The following ATXN7L3 variants were observed in gnomAD, a reference collection of about 807,000 sequenced individuals.
ATXN7L3 encodes the protein ataxin-7-like protein 3.
ATXN7L3 carries 6 observed loss-of-function variants against 50.0 expected under a neutral mutation model. That is an observed-to-expected ratio of 0.12 (90% CI 0.07 to 0.24). The LOEUF is 0.24. ATXN7L3 is among the 10% of genes least tolerant of loss of function. The pLI, the probability that ATXN7L3 is intolerant of heterozygous loss-of-function variation, is 1.00. For synonymous variants in ATXN7L3, 198 were observed against 165.8 expected, an observed-to-expected ratio of 1.19 and a Z score of -1.49; for missense variants, 322 against 451.3, an observed-to-expected ratio of 0.71 and a Z score of 2.60.
Position 44,191,905 on chromosome 17 carries a change from T to C in ATXN7L3, c.*2358A>G, listed in dbSNP as rs1021559573. On this transcript the variant is annotated 3_prime_UTR_variant, in exon 13 of 13. Transcript: ENST00000587097. ...CTACCTGTACAGAATGGATTACATA[T>C]GCAAAAATAAAAATCTCAAGACCAC... 2 of 216,566 alleles carry C rather than the reference T, an allele frequency of 9.2e-6. No individual in the cohort carries two copies. Among genetic ancestry groups the C allele is most frequent in the Non-Finnish European group, 1.6e-5 (2 of 127,078 alleles). The allele number at this position is 216,566 out of a possible 1,614,324, so 13.4% of individuals were successfully genotyped here.
chr17:44,194,741 C>CCCCA (rs1163334170), intron 11 of ATXN7L3, 27 bp downstream of exon 11: 4 of 1,613,940 alleles, frequency 2.5e-6, no homozygotes, highest in Non-Finnish European at 3.4e-6. Context: ...GGTCACAACC[C>CCCCA]CCCACCCTTC....
intron 2 of ATXN7L3, 102 bp downstream of exon 2, chr17:44,197,918 A>G: frequency 3.9e-6 from 6 of 1,528,080 alleles, no homozygotes; most frequent in Non-Finnish European, 5.4e-6. Flanking sequence ...CCTTTAAGGA[A>G]CAAGGCTGAC....
At chr17:44,195,656 G>C (rs2055859335) in intron 8 of ATXN7L3, 144 bp downstream of exon 8, 1 of 1,174,568 alleles carries the variant, frequency 8.5e-7, no homozygotes, top group Non-Finnish European at 1.2e-6. Flanking sequence ...TAAGGGGTGG[G>C]ACTCAGAAAG....
intron 2 of ATXN7L3, 97 bp downstream of exon 2, chr17:44,197,923 G>T: frequency 6.5e-7 from 1 of 1,533,586 alleles, no homozygotes; most frequent in Non-Finnish European, 9.0e-7. Context: ...AAGGAACAAG[G>T]CTGACTACCC....
Position 44,199,872 on chromosome 17 carries a change from AGCGAGCGTGAAC to A in ATXN7L3, c.-449_-438del, listed in dbSNP as rs902647139. 11 of 146,870 alleles carry A rather than the reference AGCGAGCGTGAAC, an allele frequency of 7.5e-5. 1 individual carries two copies. The highest frequency in any genetic ancestry group is 4.3e-4 in the South Asian group (2 of 4,702). 9.1% of individuals were successfully genotyped at this position (146,870 alleles called of 1,614,324 possible). The stretch of plus-strand genomic sequence containing the variant: ...CCGCGACCGGAGGATGGATGGATGG[AGCGAGCGTGAAC>A]GCGAGCGTGCGCGCGCGCGCCCCTC... On this transcript the variant is annotated 5_prime_UTR_variant, in exon 1 of 13. Coordinates refer to ENST00000587097, the MANE Select transcript of ATXN7L3 (RefSeq NM_001382309.1).
intron 2 of ATXN7L3, 124 bp downstream of exon 2, chr17:44,197,896 A>T (rs555773908): frequency 1.3e-6 from 2 of 1,505,966 alleles, no homozygotes; most frequent in Non-Finnish European, 1.8e-6. Flanking sequence ...TGGCTTTTTC[A>T]GCTGGCTATT....
chr17:44,197,904 ATTCCC>A (rs1368615260), intron 2 of ATXN7L3, 111 bp downstream of exon 2: 14 of 1,512,418 alleles, frequency 9.3e-6, no homozygotes, highest in Non-Finnish European at 1.3e-5. Flanking sequence ...TCAGCTGGCT[ATTCCC>A]TTTAAGGAAC....
At position 44,197,668 on chromosome 17, in the gene ATXN7L3, C is replaced by T. The variant is rs1360047952; in HGVS notation, c.114G>A (p.Glu38=). ...AGCCACACTTGACAGCCCGGTGTAC[C>T]TCAAAGCAGAATCCCAAACAAGAAT... is the stretch of plus-strand genomic sequence containing the variant. The part of the protein sequence containing the change: ...VEDSCLGFCF[E]VHRAVKCGYF... Residue 38 remains glutamate (E), a synonymous_variant, in exon 3 of 13, where the codon GAG becomes GAA. Coordinates refer to ENST00000587097, the MANE Select transcript of ATXN7L3 (RefSeq NM_001382309.1). 6.2e-7 allele frequency: 1 copy of T among 1,614,136 alleles called. No homozygotes were observed. The highest frequency in any genetic ancestry group is 2.2e-5 in the East Asian group (1 of 44,906).
rs1325988382 is a variant in ATXN7L3 at position 44,196,054 on chromosome 17, T to C, written c.503A>G (p.Lys168Arg). The change falls in exon 7 of 13, where the codon AAG becomes AGG. Residue 168 changes from lysine (K) to arginine (R), a missense_variant. Transcript: ENST00000587097. ...CTTACCATTTTTGTGTTTTAATGAC[T>C]TGGATCTTCGAGGGGAATTGGGGTT... ...DKNPNSPRRS[K>R]SLKHKNGELS... The C allele has an allele frequency of 6.2e-7, 1 of 1,612,942 alleles. No individual in the cohort carries two copies. The highest frequency in any genetic ancestry group is 2.2e-5 in the East Asian group (1 of 44,870).
intron 5 of ATXN7L3, 109 bp downstream of exon 5, chr17:44,196,820 T>C (rs540337548): frequency 5.6e-6 from 3 of 538,252 alleles, no homozygotes; most frequent in Admixed American, 5.8e-5. Flanking sequence ...ATCGCGTAAC[T>C]ACACTCTCTC....
rs767589384 is a variant in ATXN7L3, at chr17:44,194,287, G to A, written c.1020C>T (p.Pro340=). ...GTCAGTTGATGTCATCATAGATGCT[G>A]GGCGTCGGGGGTGCCGGTGGCTTTG... The part of the protein sequence containing the change: ...KKPKPPAPPT[P]SIYDDIN Residue 340 remains proline, a synonymous_variant, in exon 13 of 13, where the codon CCC becomes CCT. Transcript: ENST00000587097. The A allele has an allele frequency of 2.5e-6, 4 of 1,614,084 alleles. No individual in the cohort carries two copies. The East Asian group carries it at 8.9e-5, about 36-fold the overall frequency.
At chr17:44,195,922 G>A in intron 7 of ATXN7L3, 94 bp from the exon 8 acceptor site, 2 of 1,563,092 alleles carry the variant, frequency 1.3e-6, no homozygotes, top group Non-Finnish European at 1.7e-6. Context: ...GGTGACAGAA[G>A]GATCACAGGC....
intron 6 of ATXN7L3, 33 bp from the exon 7 acceptor site, chr17:44,196,112 G>C (rs753049477): frequency 2.5e-6 from 4 of 1,607,158 alleles, no homozygotes; most frequent in South Asian, 1.1e-5. Flanking sequence ...TTTGGGGAAA[G>C]GGTAACGAAA....
intron 1 of ATXN7L3, chr17:44,199,292 G>A (rs540698892): frequency 5.3e-5 from 8 of 151,146 alleles, no homozygotes; most frequent in East Asian, 2.0e-4. Flanking sequence ...CCGCCCAAGG[G>A]GGACCCAGAC....
chr17:44,197,879 G>A, intron 2 of ATXN7L3, 141 bp downstream of exon 2: 5 of 1,517,842 alleles, frequency 3.3e-6, no homozygotes, highest in Non-Finnish European at 4.5e-6. Context: ...TCTTCTTCCT[G>A]GATCCTTGGC....
At position 44,192,351 on chromosome 17, in the gene ATXN7L3, G is replaced by C. The variant is rs1001481539; in HGVS notation, c.*1912C>G. Reference sequence around the variant, plus strand: ...TGGGGAAGTTTATGTGGACAAACCAGTTCCCAAGCTACTTCCCACTTCTCC... The same window carrying C: ...TGGGGAAGTTTATGTGGACAAACCACTTCCCAAGCTACTTCCCACTTCTCC... On this transcript the variant is annotated 3_prime_UTR_variant, in exon 13 of 13. Coordinates refer to ENST00000587097, the MANE Select transcript of ATXN7L3 (RefSeq NM_001382309.1). The C allele has an allele frequency of 2.0e-5, 3 of 152,346 alleles. No homozygotes were observed. Among genetic ancestry groups the C allele is most frequent in the African/African-American group, 7.2e-5 (3 of 41,462 alleles). The allele number at this position is 152,346 out of a possible 1,614,324, so 9.4% of individuals were successfully genotyped here. A position where few individuals can be genotyped will look rare whatever the true frequency, so the allele number is the denominator to read the frequency against.
At chr17:44,197,519 T>C (rs1423988048) in intron 3 of ATXN7L3, 79 bp downstream of exon 3, 1 of 1,605,764 alleles carries the variant, frequency 6.2e-7, no homozygotes, top group Non-Finnish European at 8.5e-7. Context: ...GTGCTACATC[T>C]AGCACAGTTT....
At position 44,193,565 on chromosome 17, in the gene ATXN7L3, T is replaced by C. The variant is rs2055774169; in HGVS notation, c.*698A>G. The C allele has an allele frequency of 5.9e-5, 9 of 152,396 alleles. No homozygotes were observed. Among genetic ancestry groups the C allele is most frequent in the Admixed American group, 5.9e-4 (9 of 15,284 alleles). The allele number at this position is 152,396 out of a possible 1,614,324, so 9.4% of individuals were successfully genotyped here. A position where few individuals can be genotyped will look rare whatever the true frequency, so the allele number is the denominator to read the frequency against. On this transcript the variant is annotated 3_prime_UTR_variant, in exon 13 of 13. Coordinates refer to ENST00000587097, the MANE Select transcript of ATXN7L3 (RefSeq NM_001382309.1). Reference sequence around the variant, plus strand: ...CTCCCTTTCCCATTCCTTGAAGCTGTAGAGGCTGGAGGCCCTTTCCTGGCA... The same window carrying C: ...CTCCCTTTCCCATTCCTTGAAGCTGCAGAGGCTGGAGGCCCTTTCCTGGCA...
chr17:44,197,146 C>A (rs2055937327), intron 4 of ATXN7L3, 82 bp downstream of exon 4: 4 of 1,566,842 alleles, frequency 2.6e-6, no homozygotes, highest in Non-Finnish European at 8.7e-7. Flanking sequence ...AAGTAAAACC[C>A]ACCCTCTGTA....
Sources: allele counts gnomAD v4.1 joint callset, GRCh38; gene constraint gnomAD v4.1.1; transcripts MANE v1.5; gene names NCBI Gene and HGNC (gene_info 2026-07-23, HGNC 2026-07-21).